TRUB2: variants seen among roughly 807,000 people sequenced by gnomAD.
TRUB2 encodes the protein TruB pseudouridine synthase family member 2, also known as pseudouridylate synthase TRUB2, mitochondrial.
TRUB2 carries 31 observed loss-of-function variants against 31.9 expected under a neutral mutation model. That is an observed-to-expected ratio of 0.97 (90% CI 0.73 to 1.31). The LOEUF (loss-of-function observed/expected upper bound fraction) is 1.31. TRUB2 is among the 50% of genes most tolerant of loss of function. The pLI, the probability that TRUB2 is intolerant of heterozygous loss-of-function variation, is 0.00. For synonymous variants in TRUB2, 201 were observed against 182.6 expected (o/e 1.10, Z -0.81); for missense variants, 451 against 439.6 (o/e 1.03, Z -0.23).
chr9:128,311,010 C>T lies in TRUB2; in HGVS notation c.547G>A (p.Asp183Asn), dbSNP rs945368480. ...QKALVMYSNL[D>N]LKTQEAYEMA... ...TCATAGGCCTCCTGGGTCTTCAGGT[C>T]GAGGTTGGAGTACCTGCAGATCAGG... Residue 183 changes from aspartate (D) to asparagine (N), a missense_variant, in exon 7 of 8, where the codon GAC (aspartate) becomes AAC (asparagine). By Grantham distance (23) the Asp-to-Asn change is conservative. Coordinates refer to ENST00000372890, the MANE Select transcript of TRUB2 (RefSeq NM_015679.3). 1.2e-6 allele frequency: 2 copies of T among 1,614,016 alleles called. No homozygotes were observed. The highest frequency in any genetic ancestry group is 1.1e-5 in the South Asian group (1 of 91,066).
At chr9:128,310,828 G>C in intron 7 of TRUB2, 59 bp downstream of exon 7, 2 of 1,604,966 alleles carry the variant, frequency 1.2e-6, no homozygotes, top group Admixed American at 3.3e-5. Flanking sequence ...GAGCGTTCCT[G>C]AGTGACTCCC....
chr9:128,317,260 C>A, intron 2 of TRUB2, 34 bp from the exon 3 acceptor site: 1 of 1,564,720 alleles, frequency 6.4e-7, no homozygotes, highest in East Asian at 2.3e-5. Flanking sequence ...ATTTTCTCAA[C>A]TAAATGCCAC....
rs541151022 is a variant in TRUB2 at position 128,309,083 on chromosome 9, G to A, written c.*467C>T. 2 of 163,786 alleles carry A rather than the reference G, an allele frequency of 1.2e-5. No individual in the cohort carries two copies. Among genetic ancestry groups the A allele is most frequent in the Admixed American group, 5.6e-5 (1 of 17,902 alleles). The allele number at this position is 163,786 out of a possible 1,614,324, so 10.1% of individuals were successfully genotyped here. A position where few individuals can be genotyped will look rare whatever the true frequency, so the allele number is the denominator to read the frequency against. On this transcript the variant is annotated 3_prime_UTR_variant, in exon 8 of 8. Transcript: ENST00000372890. Reference sequence around the variant, plus strand: ...TGTATACTATGGATATTAGTCCTTGGTTAATGACACTGCAAATACTTACAA... The same window carrying A: ...TGTATACTATGGATATTAGTCCTTGATTAATGACACTGCAAATACTTACAA...
chr9:128,309,492 C>A lies in TRUB2; in HGVS notation c.*58G>T. 1 of 1,519,886 alleles carries A rather than the reference C, an allele frequency of 6.6e-7. No homozygotes were observed. Among genetic ancestry groups the A allele is most frequent in the South Asian group, 1.2e-5 (1 of 82,964 alleles). The allele number at this position is 1,519,886 out of a possible 1,614,324, so 94.1% of individuals were successfully genotyped here. Reference sequence around the variant, plus strand: ...CTCACTTTCTGCACAGCTATCAGGTCCAGCTCATAGCAGTTCTTCTATTTA... The same window carrying A: ...CTCACTTTCTGCACAGCTATCAGGTACAGCTCATAGCAGTTCTTCTATTTA... On this transcript the variant is annotated 3_prime_UTR_variant, in exon 8 of 8. Coordinates refer to ENST00000372890, the MANE Select transcript of TRUB2 (RefSeq NM_015679.3).
At chr9:128,315,011 C>T (rs780238731) in intron 4 of TRUB2, among the ~76,000 whole-genome samples, 1 of 152,168 alleles carries the variant, frequency 6.6e-6, no homozygotes, top group Non-Finnish European at 1.5e-5. Context: ...GAATTTGTGC[C>T]CTTAACCACT....
chr9:128,310,789 G>A lies in TRUB2; in HGVS notation c.670+98C>T, dbSNP rs992789015. On this transcript the variant is annotated intron_variant, in intron 7 of 7. Transcript: ENST00000372890. ...TCAGGGCCGGCGTGTGCTGGCCTCA[G>A]CTGAGCCAGACAACAGTGACCTCTG... 2.6e-6 allele frequency: 4 copies of A among 1,529,228 alleles called. No homozygotes were observed. The African/African-American group carries it at 5.4e-5, about 21-fold the overall frequency. The allele number at this position is 1,529,228 out of a possible 1,614,324, so 94.7% of individuals were successfully genotyped here.
At position 128,307,496 on chromosome 9, in the gene TRUB2, C is replaced by T. The variant is rs995845279; in HGVS notation, c.*2054G>A. ...CTATATTCCCAGTACTTTGGAAGGC[C>T]GAGGTAGGCGGATCACCTCAGGTCA... On this transcript the variant is annotated 3_prime_UTR_variant, in exon 8 of 8. Transcript: ENST00000372890. 8 of 151,300 alleles carry T rather than the reference C, an allele frequency of 5.3e-5. No individual in the cohort carries two copies. The highest frequency in any genetic ancestry group is 2.1e-4 in the South Asian group (1 of 4,796). The allele number at this position is 151,300 out of a possible 1,614,324, so 9.4% of individuals were successfully genotyped here.
rs1395659057 is a variant in TRUB2, at chr9:128,322,437, T to C, written c.-29A>G. On this transcript the variant is annotated 5_prime_UTR_variant, in exon 1 of 8. Transcript: ENST00000372890. ...TGAAGATCACAGCACCCGCTGGACCTGGACGGAAGTACCGCCAGGCCCCGC... is the reference window on the plus strand; with the variant it reads ...TGAAGATCACAGCACCCGCTGGACCCGGACGGAAGTACCGCCAGGCCCCGC... The C allele has an allele frequency of 2.5e-6, 4 of 1,609,446 alleles. No homozygotes were observed. The highest frequency in any genetic ancestry group is 2.6e-6 in the Non-Finnish European group (3 of 1,176,202).
chr9:128,313,209 A>G (rs879411399), intron 5 of TRUB2, among the ~76,000 whole-genome samples: 2 of 121,890 alleles, frequency 1.6e-5, no homozygotes, highest in African/African-American at 3.1e-5. Context: ...AGAGCGAGAC[A>G]TCGTTTCAAA....
intron 6 of TRUB2, 92 bp from the exon 7 acceptor site, chr9:128,311,115 G>A (rs1831962240): frequency 2.6e-6 from 4 of 1,537,938 alleles, no homozygotes; most frequent in Admixed American, 3.7e-5. Context: ...CTTGCTTTGT[G>A]TGCCCTGCCA....
chr9:128,310,903 A>C lies in TRUB2; in HGVS notation c.654T>G (p.Pro218=). 6.2e-7 allele frequency: 1 copy of C among 1,614,160 alleles called. No individual in the cohort carries two copies. Among genetic ancestry groups the C allele is most frequent in the Non-Finnish European group, 8.5e-7 (1 of 1,180,000 alleles). The stretch of plus-strand genomic sequence containing the variant: ...CCAACCTACCTAAGAGGAATTCCGG[A>C]GGTGCAAAGTAGAGGCATCGGATGC... ...ITGIRCLYFA[P]PEFLLEVQCM... The change falls in exon 7 of 8, where the codon CCT becomes CCG. Residue 218 remains proline, a synonymous_variant. Transcript: ENST00000372890.
Position 128,311,558 on chromosome 9 carries a change from G to T in TRUB2, c.504C>A (p.Ile168=). ...REKLDRILAV[I]QGSHQKALVM... is the part of the protein sequence containing the mutation. ...CCAGGGCCTTCTGATGGGAGCCTTG[G>T]ATAACGGCCAGAATGCGGTCCAGCT... Residue 168 remains isoleucine (I), a synonymous_variant, in exon 6 of 8, where the codon ATC becomes ATA. Transcript: ENST00000372890. 3 of 1,614,144 alleles carry T rather than the reference G, an allele frequency of 1.9e-6. No homozygotes were observed. The highest frequency in any genetic ancestry group is 1.7e-6 in the Non-Finnish European group (2 of 1,180,010).
In TRUB2 at chr9:128,322,180, G is replaced by A. The variant is rs1208829647; in HGVS notation, c.109+120C>T. ...AGAAAGCACAGAGAACAGGCGTTTG[G>A]GAAAGCGCTCTGCCCAGGTGAATAG... On this transcript the variant is annotated intron_variant, in intron 1 of 7. Coordinates refer to ENST00000372890, the MANE Select transcript of TRUB2 (RefSeq NM_015679.3). 3 of 770,674 alleles carry A rather than the reference G, an allele frequency of 3.9e-6. No homozygotes were observed. In the East Asian group the frequency reaches 7.9e-5, roughly 20 times the overall value. 47.7% of individuals were successfully genotyped at this position (770,674 alleles called of 1,614,324 possible). A position where few individuals can be genotyped will look rare whatever the true frequency, so the allele number is the denominator to read the frequency against.
chr9:128,305,182 A>T lies in TRUB2; in HGVS notation c.*4368T>A, dbSNP rs1471814052. 1 of 152,220 alleles carries T rather than the reference A, an allele frequency of 6.6e-6. No homozygotes were observed. The highest frequency in any genetic ancestry group is 1.5e-5 in the Non-Finnish European group (1 of 68,052). The allele number at this position is 152,220 out of a possible 1,614,324, so 9.4% of individuals were successfully genotyped here. On this transcript the variant is annotated 3_prime_UTR_variant, in exon 8 of 8. Transcript: ENST00000372890. ...AGTGTCGTTTTAATCCCCATTTTAT[A>T]GATAGGTGACAGCTTCAGAGGCCAC...
At chr9:128,319,321 G>A (rs1390515628) in intron 2 of TRUB2, among the ~76,000 whole-genome samples, 5 of 139,610 alleles carry the variant, frequency 3.6e-5, no homozygotes, top group Admixed American at 7.1e-5. Flanking sequence ...GCATGACTCC[G>A]TCTCAAAAAA....
At chr9:128,315,783 C>G in intron 3 of TRUB2, 155 bp from the exon 4 acceptor site, 1 of 757,770 alleles carries the variant, frequency 1.3e-6, no homozygotes, top group Non-Finnish European at 2.2e-6. Flanking sequence ...CAGGTGCACC[C>G]CTCTGGGTAT....
chr9:128,321,814 C>A, intron 1 of TRUB2, 84 bp from the exon 2 acceptor site: 1 of 1,436,852 alleles, frequency 7.0e-7, no homozygotes, highest in South Asian at 1.3e-5. Flanking sequence ...GGGCCTCGTT[C>A]TGTAGCCCAG....
intron 7 of TRUB2, among the ~76,000 whole-genome samples, chr9:128,310,321 A>T (rs1325462383): frequency 6.6e-6 from 1 of 151,980 alleles, no homozygotes; most frequent in Non-Finnish European, 1.5e-5. Context: ...CCTTTTACTA[A>T]GACTCGGTTT....
chr9:128,309,486 T>G lies in TRUB2; in HGVS notation c.*64A>C. ...CCTGCTCTCACTTTCTGCACAGCTA[T>G]CAGGTCCAGCTCATAGCAGTTCTTC... On this transcript the variant is annotated 3_prime_UTR_variant, in exon 8 of 8. Transcript: ENST00000372890. The G allele has an allele frequency of 2.6e-6, 4 of 1,512,318 alleles. No homozygotes were observed. The highest frequency in any genetic ancestry group is 2.7e-6 in the Non-Finnish European group (3 of 1,119,714). 93.7% of individuals were successfully genotyped at this position (1,512,318 alleles called of 1,614,324 possible). A position where few individuals can be genotyped will look rare whatever the true frequency, so the allele number is the denominator to read the frequency against.
Sources: gnomAD v4.1 joint callset for allele counts (sites outside exome capture counted in the v4.1 genomes callset) on GRCh38, gnomAD v4.1.1 for gene constraint, MANE v1.5 for transcripts, NCBI Gene and HGNC (gene_info 2026-07-23, HGNC 2026-07-21) for gene names.